SH3BGRL: variants seen among roughly 807,000 people sequenced by gnomAD.
SH3BGRL encodes adapter SH3BGRL.
A neutral mutation model predicts 9.8 loss-of-function variants in SH3BGRL; 7 were observed. The observed-to-expected ratio is 0.72, with a 90% confidence interval of 0.41 to 1.35. The LOEUF (loss-of-function observed/expected upper bound fraction) is 1.35. Among genes scored for constraint, SH3BGRL ranks in the 40% most tolerant of loss-of-function variants. The pLI is 0.01. For synonymous variants in SH3BGRL, 36 were observed against 29.1 expected, an observed-to-expected ratio of 1.24 and a Z score of -0.76; for missense variants, 73 against 84.4, an observed-to-expected ratio of 0.86 and a Z score of 0.53.
intron 2 of SH3BGRL, among the ~76,000 whole-genome samples, chrX:81,277,469 C>T (rs1272354896): frequency 8.9e-6 from 1 of 112,523 alleles, no homozygotes; most frequent in African/African-American, 3.2e-5. Flanking sequence ...TGAAGATTCT[C>T]TTGCATTCCC....
intron 1 of SH3BGRL, among the ~76,000 whole-genome samples, chrX:81,211,544 G>A (rs1243107315): frequency 9.1e-6 from 1 of 110,437 alleles, no homozygotes; most frequent in African/African-American, 3.3e-5. Context: ...CCGAGATCGT[G>A]CCACTGCACT....
At chrX:81,281,810 C>A (rs1463952180) in intron 3 of SH3BGRL, among the ~76,000 whole-genome samples, 1 of 112,021 alleles carries the variant, frequency 8.9e-6, no homozygotes, top group Non-Finnish European at 1.9e-5. Flanking sequence ...ACAAAGAGCA[C>A]AATGAATGCA....
intron 3 of SH3BGRL, among the ~76,000 whole-genome samples, chrX:81,281,209 C>T (rs1356726465): frequency 2.7e-5 from 3 of 110,800 alleles, no homozygotes; most frequent in Non-Finnish European, 5.7e-5. Context: ...AATTGGAGTT[C>T]CTGAGGAAGA....
chrX:81,297,414 G>A lies in SH3BGRL; in HGVS notation c.*187G>A. 2.6e-6 allele frequency: 1 copy of A among 382,352 alleles called. No individual in the cohort carries two copies. The highest frequency in any genetic ancestry group is 5.3e-5 in the South Asian group (1 of 19,030). 31.5% of individuals were successfully genotyped at this position (382,352 alleles called of 1,213,427 possible). A position where few individuals can be genotyped will look rare whatever the true frequency, so the allele number is the denominator to read the frequency against. ...TTGAACATTATGGTGATTATGGTGAGGAGAATGGGATATTAACATAAAATT... is the reference window on the plus strand; with the variant it reads ...TTGAACATTATGGTGATTATGGTGAAGAGAATGGGATATTAACATAAAATT... On this transcript the variant is annotated 3_prime_UTR_variant, in exon 4 of 4. Transcript: ENST00000373212.
At position 81,206,384 on chromosome X, in the gene SH3BGRL, T is replaced by C. The variant is rs1194513609; in HGVS notation, c.45+4139T>C. On this transcript the variant is annotated intron_variant, in intron 1 of 3. Coordinates refer to ENST00000373212, the MANE Select transcript of SH3BGRL (RefSeq NM_003022.3). ...GATACTATCTCATTTTTAAAAATAA[T>C]CCTTTGAATTAAGCACTATGATTAT... 2.7e-5 allele frequency among the ~76,000 whole-genome samples: 3 copies of C among 111,764 alleles called. No individual in the cohort carries two copies. The East Asian group carries it at 8.4e-4, about 31-fold the overall frequency.
intron 1 of SH3BGRL, among the ~76,000 whole-genome samples, chrX:81,211,523 C>A (rs1045380575): frequency 9.1e-6 from 1 of 110,179 alleles, no homozygotes; most frequent in Non-Finnish European, 1.9e-5. Flanking sequence ...GGAGGCGGAG[C>A]TTGCAGTGAT....
Position 81,266,117 on chromosome X carries a change from G to A in SH3BGRL, c.46-10867G>A, listed in dbSNP as rs1038752010. ...GTATTAGTCCTTTATCAGATGGACA[G>A]ATTGCAAAAATTTTCTCCCGTTCTG... is the stretch of plus-strand genomic sequence containing the variant. On this transcript the variant is annotated intron_variant, in intron 1 of 3. Transcript: ENST00000373212. Among the ~76,000 whole-genome samples, 3 of 112,052 alleles carry A rather than the reference G, an allele frequency of 2.7e-5. No individual in the cohort carries two copies. In the East Asian group the frequency reaches 8.4e-4, roughly 31 times the overall value.
chrX:81,249,519 C>T (rs1299179850), intron 1 of SH3BGRL, among the ~76,000 whole-genome samples: 1 of 112,347 alleles, frequency 8.9e-6, no homozygotes, highest in Non-Finnish European at 1.9e-5. Flanking sequence ...CTCATGAACC[C>T]TGTTAACCAT....
intron 1 of SH3BGRL, chrX:81,255,690 G>A (rs1474185686): frequency 8.9e-6 from 1 of 111,792 alleles, no homozygotes; most frequent in African/African-American, 3.2e-5. Context: ...ATTAGCAATA[G>A]GTCAGACCCC....
At chrX:81,258,636 A>G (rs186236725) in intron 1 of SH3BGRL, among the ~76,000 whole-genome samples, 10 of 112,438 alleles carry the variant, frequency 8.9e-5, no homozygotes, top group African/African-American at 3.2e-4. Flanking sequence ...TCTTCTCTTC[A>G]TGGCCATGGG....
At chrX:81,236,136 T>C (rs1015255376) in intron 1 of SH3BGRL, among the ~76,000 whole-genome samples, 4 of 111,662 alleles carry the variant, frequency 3.6e-5, no homozygotes, top group African/African-American at 6.5e-5. Flanking sequence ...GTGTATAGCC[T>C]ACAGACTCTA....
intron 1 of SH3BGRL, 182 bp downstream of exon 1, chrX:81,202,427 T>TTTC: frequency 9.8e-7 from 1 of 1,024,681 alleles, no homozygotes; most frequent in Non-Finnish European, 1.2e-6. Context: ...TTTTTTTTTT[T>TTTC]TCCACATAGA....
At chrX:81,288,367 A>G (rs2147720157) in intron 3 of SH3BGRL, among the ~76,000 whole-genome samples, 1 of 112,297 alleles carries the variant, frequency 8.9e-6, no homozygotes, top group South Asian at 3.7e-4. Flanking sequence ...CCTTTCCTAT[A>G]AGATATGGAG....
At chrX:81,293,988 T>A (rs753003848) in intron 3 of SH3BGRL, among the ~76,000 whole-genome samples, 103 of 111,364 alleles carry the variant, frequency 9.2e-4, no homozygotes, top group Non-Finnish European at 5.8e-4. Context: ...AGAAAGGTGG[T>A]TTAGGGTATC....
At chrX:81,259,504 A>G (rs2075734863) in intron 1 of SH3BGRL, among the ~76,000 whole-genome samples, 1 of 111,938 alleles carries the variant, frequency 8.9e-6, no homozygotes, top group African/African-American at 3.2e-5. Flanking sequence ...TGGTAGTGAT[A>G]AGGGCAGGGA....
At chrX:81,223,312 A>G (rs900893991) in intron 1 of SH3BGRL, among the ~76,000 whole-genome samples, 4 of 111,699 alleles carry the variant, frequency 3.6e-5, no homozygotes, top group Admixed American at 9.5e-5. Flanking sequence ...TTTTAGGTCT[A>G]ACATTTTCTT....
At chrX:81,239,808 T>C (rs749292445) in intron 1 of SH3BGRL, among the ~76,000 whole-genome samples, 125 of 112,060 alleles carry the variant, frequency 1.1e-3, no homozygotes, top group Non-Finnish European at 2.0e-3. Flanking sequence ...GGAGCTCCAA[T>C]GCATCTGGCA....
At chrX:81,295,407 T>G (rs1012049727) in intron 3 of SH3BGRL, among the ~76,000 whole-genome samples, 3 of 111,827 alleles carry the variant, frequency 2.7e-5, no homozygotes, top group African/African-American at 9.8e-5. Context: ...TTTTCACTTT[T>G]GCATCTTCCT....
At chrX:81,265,027 T>TTTC (rs2075752095) in intron 1 of SH3BGRL, among the ~76,000 whole-genome samples, 1 of 107,674 alleles carries the variant, frequency 9.3e-6, no homozygotes, top group Non-Finnish European at 1.9e-5. Flanking sequence ...TTTTTTTTTT[T>TTTC]ACTGTTAACA....
Sources: allele counts gnomAD v4.1 joint callset (sites outside exome capture counted in the v4.1 genomes callset), GRCh38; gene constraint gnomAD v4.1.1; transcripts MANE v1.5; gene names NCBI Gene and HGNC (gene_info 2026-07-23, HGNC 2026-07-21).